Variants in PCSK2 observed in about 807,000 individuals in gnomAD.
The protein encoded by PCSK2 is neuroendocrine convertase 2.
PCSK2 carries 14 observed loss-of-function variants against 69.7 expected under a neutral mutation model. The ratio of observed to expected loss-of-function variants is 0.20; its 90% CI spans 0.13 to 0.31. PCSK2 has a LOEUF of 0.31. PCSK2 is among the 10% of genes least tolerant of loss of function. The pLI, the probability that PCSK2 is intolerant of heterozygous loss-of-function variation, is 1.00. For synonymous variants in PCSK2, 307 were observed against 320.7 expected, an observed-to-expected ratio of 0.96 and a Z score of 0.46; for missense variants, 544 against 842.5, an observed-to-expected ratio of 0.65 and a Z score of 4.39.
At chr20:17,271,342 G>T (rs940531193) in intron 2 of PCSK2, among the ~76,000 whole-genome samples, 2 of 151,888 alleles carry the variant, frequency 1.3e-5, no homozygotes, top group Non-Finnish European at 2.9e-5. Context: ...TTGGGATTTG[G>T]TTTAAGATTT....
chr20:17,287,431 CTGTGTGTGTGTGTG>C (rs67695913), intron 2 of PCSK2, among the ~76,000 whole-genome samples: 2 of 145,928 alleles, frequency 1.4e-5, no homozygotes, highest in Non-Finnish European at 3.0e-5. Flanking sequence ...ATGTGCGTGT[CTGTGTGTGTGTGTG>C]TGTGTGTGTG....
intron 11 of PCSK2, among the ~76,000 whole-genome samples, chr20:17,473,215 T>C (rs2033236130): frequency 6.8e-6 from 1 of 147,962 alleles, no homozygotes; most frequent in African/African-American, 2.5e-5. Flanking sequence ...TGCCTCAGCC[T>C]CCTGAGTAGC....
At chr20:17,403,205 A>C (rs1222575307) in intron 5 of PCSK2, among the ~76,000 whole-genome samples, 1 of 152,230 alleles carries the variant, frequency 6.6e-6, no homozygotes, top group Non-Finnish European at 1.5e-5. Context: ...GTATGGAAGA[A>C]AGATTTCAAA....
intron 2 of PCSK2, among the ~76,000 whole-genome samples, chr20:17,305,843 T>C (rs1600473486): frequency 6.6e-6 from 1 of 152,256 alleles, no homozygotes; most frequent in East Asian, 1.9e-4. Flanking sequence ...AGGTAATTAA[T>C]CAAACCTTTG....
chr20:17,406,412 A>C (rs780203448), intron 5 of PCSK2, among the ~76,000 whole-genome samples: 2 of 152,246 alleles, frequency 1.3e-5, no homozygotes, highest in African/African-American at 4.8e-5. Context: ...AGCATTAGTC[A>C]TCAAAACTTC....
intron 2 of PCSK2, among the ~76,000 whole-genome samples, chr20:17,295,859 C>G (rs1988875207): frequency 6.6e-6 from 1 of 152,158 alleles, no homozygotes; most frequent in South Asian, 2.1e-4. Context: ...TCTGGCCTCT[C>G]ACTTTTACAA....
intron 5 of PCSK2, among the ~76,000 whole-genome samples, chr20:17,384,425 C>CAAAAA (rs11478291): frequency 1.9e-5 from 2 of 106,532 alleles, no homozygotes; most frequent in Non-Finnish European, 3.6e-5. Context: ...CCATATCTAC[C>CAAAAA]AAAAAAAAAA....
At chr20:17,318,587 G>A (rs1048984615) in intron 2 of PCSK2, among the ~76,000 whole-genome samples, 7 of 152,188 alleles carry the variant, frequency 4.6e-5, no homozygotes, top group African/African-American at 1.7e-4. Context: ...TTTGACTTAA[G>A]TCAGGAAACA....
At chr20:17,430,932 A>C (rs1346472022) in intron 7 of PCSK2, among the ~76,000 whole-genome samples, 2 of 152,174 alleles carry the variant, frequency 1.3e-5, no homozygotes, top group Non-Finnish European at 2.9e-5. Context: ...GGTTCCTGGG[A>C]GCTTCTTTTT....
intron 2 of PCSK2, among the ~76,000 whole-genome samples, chr20:17,293,983 T>C (rs1466150869): frequency 6.6e-6 from 1 of 152,156 alleles, no homozygotes; most frequent in Non-Finnish European, 1.5e-5. Context: ...AAGCTTACTG[T>C]CTATTTAGGT....
intron 8 of PCSK2, among the ~76,000 whole-genome samples, chr20:17,451,899 C>T (rs946550161): frequency 1.4e-5 from 2 of 146,122 alleles, no homozygotes; most frequent in African/African-American, 2.5e-5. Flanking sequence ...TTGTGAAACA[C>T]ATCAGTTGTA....
intron 1 of PCSK2, among the ~76,000 whole-genome samples, chr20:17,245,435 T>C (rs73255407): frequency 0.078 from 11,809 of 152,188 alleles, 1,073 homozygotes; most frequent in African/African-American, 0.22. Context: ...CTTGTGAAGA[T>C]ACTAGCATGT....
chr20:17,381,672 T>C (rs1266334524), intron 5 of PCSK2, among the ~76,000 whole-genome samples: 1 of 152,212 alleles, frequency 6.6e-6, no homozygotes, highest in Non-Finnish European at 1.5e-5. Flanking sequence ...TGGGTCTTTG[T>C]TGATCAATCA....
chr20:17,378,284 C>T (rs143622029), intron 5 of PCSK2, among the ~76,000 whole-genome samples: 3 of 141,196 alleles, frequency 2.1e-5, no homozygotes, highest in Admixed American at 7.0e-5. Flanking sequence ...GTCGATACAG[C>T]ATATGAATTC....
chr20:17,279,660 G>A (rs1427912492), intron 2 of PCSK2, among the ~76,000 whole-genome samples: 1 of 152,046 alleles, frequency 6.6e-6, no homozygotes, highest in East Asian at 1.9e-4. Context: ...AGTGGTGCAT[G>A]CCTGTAATCC....
chr20:17,438,287 T>C (rs940642474), intron 8 of PCSK2, among the ~76,000 whole-genome samples: 2 of 152,234 alleles, frequency 1.3e-5, no homozygotes, highest in Non-Finnish European at 2.9e-5. Flanking sequence ...AGTCTGTTTA[T>C]GGAAAATGCA....
chr20:17,473,048 C>G (rs6080706), intron 11 of PCSK2, among the ~76,000 whole-genome samples: 80,512 of 148,460 alleles, frequency 0.54, 22,051 homozygotes, highest in East Asian at 0.66. Flanking sequence ...TGGAACACTA[C>G]GATTTTGCAT....
chr20:17,438,037 G>A (rs767930423), intron 8 of PCSK2, among the ~76,000 whole-genome samples: 47 of 150,636 alleles, frequency 3.1e-4, no homozygotes, highest in Non-Finnish European at 4.4e-4. Context: ...CAGCCTGGAC[G>A]TGGGACTCAC....
chr20:17,244,588 G>A (rs2122961269), intron 1 of PCSK2, among the ~76,000 whole-genome samples: 1 of 152,262 alleles, frequency 6.6e-6, no homozygotes, highest in Admixed American at 6.5e-5. Context: ...TAGGAGTGGA[G>A]CTAGATTTTC....
Sources: allele counts gnomAD v4.1 joint callset (sites outside exome capture counted in the v4.1 genomes callset), GRCh38; gene constraint gnomAD v4.1.1; transcripts MANE v1.5; gene names NCBI Gene and HGNC (gene_info 2026-07-23, HGNC 2026-07-21).